AK5: variants seen among roughly 807,000 people sequenced by gnomAD.
AK5 encodes adenylate kinase 5, also known as adenylate kinase isoenzyme 5.
AK5 carries 27 observed loss-of-function variants against 69.5 expected under a neutral mutation model. That is an observed-to-expected ratio of 0.39 (90% CI 0.29 to 0.54). AK5 has a LOEUF of 0.54. Among genes scored for constraint, AK5 ranks in the 20% least tolerant of loss-of-function variants. The probability of loss-of-function intolerance (pLI) is 0.71; values close to 1 mark genes in which losing one functional copy is unlikely to be tolerated. For synonymous variants in AK5, 260 were observed against 244.4 expected, an observed-to-expected ratio of 1.06 and a Z score of -0.60; for missense variants, 531 against 700.4, an observed-to-expected ratio of 0.76 and a Z score of 2.73.
chr1:77,373,763 A>G (rs999045631), intron 6 of AK5, among the ~76,000 whole-genome samples: 1 of 152,112 alleles, frequency 6.6e-6, no homozygotes, highest in African/African-American at 2.4e-5. Flanking sequence ...ATATGATTGA[A>G]TAGATGTCCT....
chr1:77,480,202 C>A (rs1308773695), intron 8 of AK5, among the ~76,000 whole-genome samples: 3 of 151,636 alleles, frequency 2.0e-5, no homozygotes, highest in Non-Finnish European at 2.9e-5. Context: ...ACATTGGAAC[C>A]ATGAGGTTTA....
chr1:77,316,648 T>A (rs1306336499), intron 5 of AK5, among the ~76,000 whole-genome samples: 1 of 152,216 alleles, frequency 6.6e-6, no homozygotes, highest in Non-Finnish European at 1.5e-5. Context: ...CAATATGTTT[T>A]CTAAGCATTA....
intron 10 of AK5, among the ~76,000 whole-genome samples, chr1:77,501,894 T>A (rs1160822093): frequency 6.6e-6 from 1 of 152,132 alleles, no homozygotes. Context: ...CTGTGCCTAT[T>A]TCACTCACTC....
At chr1:77,485,591 A>T (rs1655537354) in intron 9 of AK5, among the ~76,000 whole-genome samples, 1 of 152,250 alleles carries the variant, frequency 6.6e-6, no homozygotes, top group Non-Finnish European at 1.5e-5. Flanking sequence ...ACTATTTTTT[A>T]AAATATTATT....
intron 1 of AK5, among the ~76,000 whole-genome samples, chr1:77,285,912 A>G (rs1425519367): frequency 6.6e-6 from 1 of 152,170 alleles, no homozygotes; most frequent in African/African-American, 2.4e-5. Context: ...GGAAAGCATC[A>G]GTATCTGGGG....
intron 10 of AK5, among the ~76,000 whole-genome samples, chr1:77,491,564 C>CA (rs1373903568): frequency 2.0e-5 from 3 of 152,154 alleles, no homozygotes; most frequent in Admixed American, 2.0e-4. Context: ...CTTGGCCTCC[C>CA]AAAGTGCTGG....
At chr1:77,394,119 G>A (rs1648668857) in intron 6 of AK5, among the ~76,000 whole-genome samples, 1 of 151,780 alleles carries the variant, frequency 6.6e-6, no homozygotes, top group East Asian at 1.9e-4. Flanking sequence ...GGAGGCTGAG[G>A]CAGGAGAATG....
chr1:77,297,445 T>A, intron 3 of AK5, 114 bp from the exon 4 acceptor site: 1 of 956,830 alleles, frequency 1.0e-6, no homozygotes, highest in Non-Finnish European at 1.5e-6. Context: ...ATGGAACTGT[T>A]AACCACCCTG....
chr1:77,378,565 C>A lies in AK5; in HGVS notation c.892-32416C>A, dbSNP rs373703057. Among the ~76,000 whole-genome samples the A allele has an allele frequency of 2.2e-3, 328 of 152,366 alleles. 1 individual carries two copies. The highest frequency in any genetic ancestry group is 7.6e-3 in the African/African-American group (317 of 41,592). On this transcript the variant is annotated intron_variant, in intron 6 of 13. Transcript: ENST00000354567. ...CAAATTCCTGACCTCAAGTGATCCA[C>A]CCACCTTGGCCTCCCAAAGTGCTGG...
intron 6 of AK5, among the ~76,000 whole-genome samples, chr1:77,368,383 A>G (rs1647058184): frequency 6.9e-6 from 1 of 145,746 alleles, no homozygotes; most frequent in Admixed American, 7.1e-5. Flanking sequence ...CACACACCTT[A>G]TACACATAGC....
intron 8 of AK5, among the ~76,000 whole-genome samples, chr1:77,425,413 C>T (rs934940050): frequency 6.6e-6 from 1 of 151,978 alleles, no homozygotes; most frequent in Admixed American, 6.6e-5. Flanking sequence ...TGGTGAAACC[C>T]CATCTCTACT....
chr1:77,364,470 ATTCT>A (rs1281458224), intron 6 of AK5, among the ~76,000 whole-genome samples: 1 of 152,104 alleles, frequency 6.6e-6, no homozygotes, highest in African/African-American at 2.4e-5. Context: ...TCTAGAACTT[ATTCT>A]TTCTATCTAG....
At chr1:77,521,383 C>T (rs1336825547) in intron 11 of AK5, among the ~76,000 whole-genome samples, 2 of 152,286 alleles carry the variant, frequency 1.3e-5, no homozygotes, top group Non-Finnish European at 2.9e-5. Flanking sequence ...ATCCACGCAC[C>T]TCGGCCTCTC....
In AK5 at chr1:77,433,978, G is replaced by C. The variant is rs528112414; in HGVS notation, c.1059+16263G>C. 2.6e-5 allele frequency among the ~76,000 whole-genome samples: 4 copies of C among 151,382 alleles called. No homozygotes were observed. The South Asian group carries it at 8.3e-4, about 31-fold the overall frequency. ...AACTTATATTTAAGACTACTTCTTAGAGTCTTTTCCATGAATCTGATTGAG... is the reference window on the plus strand; with the variant it reads ...AACTTATATTTAAGACTACTTCTTACAGTCTTTTCCATGAATCTGATTGAG... On this transcript the variant is annotated intron_variant, in intron 8 of 13. Coordinates refer to ENST00000354567, the MANE Select transcript of AK5 (RefSeq NM_174858.3).
chr1:77,303,378 C>G (rs1422239951), intron 5 of AK5, among the ~76,000 whole-genome samples: 1 of 152,134 alleles, frequency 6.6e-6, no homozygotes, highest in Non-Finnish European at 1.5e-5. Flanking sequence ...TTTGTTAAGT[C>G]CTTCAAAATA....
intron 2 of AK5, among the ~76,000 whole-genome samples, chr1:77,290,791 A>G (rs1167095618): frequency 6.6e-6 from 1 of 152,234 alleles, no homozygotes; most frequent in Non-Finnish European, 1.5e-5. Context: ...GAGTACTACT[A>G]TGTGTCAGAC....
intron 5 of AK5, among the ~76,000 whole-genome samples, chr1:77,339,645 T>TA (rs1557509302): frequency 3.7e-5 from 1 of 27,108 alleles, no homozygotes. Flanking sequence ...TAGCAATATC[T>TA]TTTTTTTTTT....
intron 6 of AK5, among the ~76,000 whole-genome samples, chr1:77,368,243 A>G (rs1303659618): frequency 7.4e-4 from 13 of 17,666 alleles, no homozygotes; most frequent in East Asian, 0.016. Flanking sequence ...ATATATATAT[A>G]TATATATATA....
chr1:77,487,855 C>T (rs1019365898), intron 10 of AK5, among the ~76,000 whole-genome samples: 1 of 152,132 alleles, frequency 6.6e-6, no homozygotes, highest in Non-Finnish European at 1.5e-5. Context: ...GACTGTTGGA[C>T]CCCTGCTGGG....
Sources: allele counts gnomAD v4.1 joint callset (sites outside exome capture counted in the v4.1 genomes callset), GRCh38; gene constraint gnomAD v4.1.1; transcripts MANE v1.5; gene names NCBI Gene and HGNC (gene_info 2026-07-23, HGNC 2026-07-21).